The following NTRK3 variants were observed in gnomAD, a reference collection of about 807,000 sequenced individuals.
NTRK3 encodes the protein NT-3 growth factor receptor.
Under a neutral mutation model 91.7 loss-of-function variants are expected in NTRK3, and 24 were observed. That is an observed-to-expected ratio of 0.26 (90% CI 0.19 to 0.37). The LOEUF (loss-of-function observed/expected upper bound fraction) is 0.37. NTRK3 is among the 10% of genes least tolerant of loss of function. The pLI is 1.00. For synonymous variants in NTRK3, 483 were observed against 404.0 expected, an observed-to-expected ratio of 1.20 and a Z score of -2.34; for missense variants, 880 against 1,068.9, an observed-to-expected ratio of 0.82 and a Z score of 2.46.
chr15:87,884,413 T>C (rs1253296633), intron 17 of NTRK3, among the ~76,000 whole-genome samples: 1 of 151,774 alleles, frequency 6.6e-6, no homozygotes, highest in African/African-American at 2.4e-5. Context: ...CTGTCTTATT[T>C]ATACTTTTTC....
chr15:88,077,411 T>TCCCAGCCCTGCCTC (rs2047646456), intron 13 of NTRK3, among the ~76,000 whole-genome samples: 1 of 152,096 alleles, frequency 6.6e-6, no homozygotes, highest in Non-Finnish European at 1.5e-5. Context: ...CAGTCTGCCT[T>TCCCAGCCCTGCCTC]CCCAGCCCTG....
chr15:88,231,605 G>A (rs992683535), intron 3 of NTRK3, among the ~76,000 whole-genome samples: 1 of 152,240 alleles, frequency 6.6e-6, no homozygotes, highest in Middle Eastern at 3.4e-3. Flanking sequence ...TTTCTGCCTC[G>A]ATTTCACTCA....
intron 13 of NTRK3, among the ~76,000 whole-genome samples, chr15:88,036,604 C>CGCAGGGCT (rs1472701741): frequency 6.6e-6 from 1 of 152,116 alleles, no homozygotes; most frequent in Non-Finnish European, 1.5e-5. Flanking sequence ...AGTCTCAAGC[C>CGCAGGGCT]GCAGGGCTGC....
intron 3 of NTRK3, among the ~76,000 whole-genome samples, chr15:88,249,779 T>C (rs1482716496): frequency 1.3e-5 from 2 of 152,150 alleles, no homozygotes; most frequent in Non-Finnish European, 2.9e-5. Flanking sequence ...GGAGGATTTG[T>C]GTTCCTCAAA....
chr15:88,122,877 T>C (rs953210470), intron 13 of NTRK3, among the ~76,000 whole-genome samples: 1 of 152,222 alleles, frequency 6.6e-6, no homozygotes, highest in East Asian at 1.9e-4. Flanking sequence ...CATTTCTAAA[T>C]TCAACAAGCA....
At chr15:88,226,546 G>C (rs570634780) in intron 3 of NTRK3, among the ~76,000 whole-genome samples, 1 of 152,290 alleles carries the variant, frequency 6.6e-6, no homozygotes, top group African/African-American at 2.4e-5. Context: ...AATTATTCCA[G>C]AGGCCAGGGA....
exon 19 of NTRK3, chr15:87,876,404 CA>C (rs1163609855): frequency 8.7e-6 from 2 of 228,934 alleles, no homozygotes; most frequent in African/African-American, 4.4e-5. Context: ...GCAGTCCCCA[CA>C]TGTGCCTGTG....
chr15:87,980,609 A>C (rs2074169980), intron 14 of NTRK3, among the ~76,000 whole-genome samples: 1 of 152,202 alleles, frequency 6.6e-6, no homozygotes, highest in African/African-American at 2.4e-5. Flanking sequence ...AGCTATGCTC[A>C]GGAATGTAGA....
intron 3 of NTRK3, among the ~76,000 whole-genome samples, chr15:88,204,759 C>T (rs960536384): frequency 2.0e-5 from 3 of 152,206 alleles, no homozygotes; most frequent in Non-Finnish European, 4.4e-5. Context: ...TGAAGGGAAG[C>T]GAGGCTGCAG....
At chr15:87,963,146 G>T (rs984630409) in intron 14 of NTRK3, among the ~76,000 whole-genome samples, 2 of 150,736 alleles carry the variant, frequency 1.3e-5, no homozygotes, top group African/African-American at 5.0e-5. Context: ...CTGGATACCT[G>T]CTTGGGGGAA....
chr15:87,969,649 T>C (rs902035444), intron 14 of NTRK3, among the ~76,000 whole-genome samples: 1 of 152,190 alleles, frequency 6.6e-6, no homozygotes, highest in Non-Finnish European at 1.5e-5. Flanking sequence ...TCAGAATCTT[T>C]ATGTGAAGGA....
At chr15:87,944,888 T>G (rs762567675) in intron 14 of NTRK3, among the ~76,000 whole-genome samples, 1 of 152,234 alleles carries the variant, frequency 6.6e-6, no homozygotes, top group Non-Finnish European at 1.5e-5. Context: ...ACGCGTCTAT[T>G]TGGGTCCCTG....
intron 14 of NTRK3, chr15:87,979,418 G>C: frequency 6.2e-7 from 1 of 1,613,658 alleles, no homozygotes; most frequent in South Asian, 1.1e-5. Context: ...AAGAGGCTTG[G>C]AATGTCCGGG....
intron 14 of NTRK3, 126 bp downstream of exon 14, chr15:88,032,731 C>A (rs187668195): frequency 1.1e-5 from 12 of 1,057,172 alleles, no homozygotes; most frequent in Admixed American, 1.0e-4. Context: ...CAGGGAGGGT[C>A]TCTTAGAAAG....
intron 17 of NTRK3, among the ~76,000 whole-genome samples, chr15:87,923,327 C>A (rs1596268324): frequency 1.3e-5 from 2 of 152,314 alleles, no homozygotes; most frequent in East Asian, 3.9e-4. Context: ...TCCCCACTTT[C>A]AGGCCAGGTC....
chr15:88,008,488 T>C (rs1238264429), intron 14 of NTRK3, among the ~76,000 whole-genome samples: 3 of 151,832 alleles, frequency 2.0e-5, no homozygotes, highest in African/African-American at 7.3e-5. Context: ...GACACAGTGG[T>C]CCAAGAACCC....
At chr15:88,139,937 G>C (rs1175555668) in intron 6 of NTRK3, among the ~76,000 whole-genome samples, 1 of 151,338 alleles carries the variant, frequency 6.6e-6, no homozygotes, top group African/African-American at 2.4e-5. Context: ...GGGGAGTGTG[G>C]GGGGTGGGGG....
At chr15:88,054,983 A>C (rs2045557495) in intron 13 of NTRK3, among the ~76,000 whole-genome samples, 1 of 152,290 alleles carries the variant, frequency 6.6e-6, no homozygotes, top group East Asian at 1.9e-4. Flanking sequence ...AAATTAACAG[A>C]GCTGGGATTT....
At chr15:87,979,780 C>T (rs1347056081) in intron 14 of NTRK3, among the ~76,000 whole-genome samples, 1 of 152,238 alleles carries the variant, frequency 6.6e-6, no homozygotes, top group East Asian at 1.9e-4. Flanking sequence ...CTATAAGCAT[C>T]TTTCTGAAAG....
Sources: allele counts gnomAD v4.1 joint callset (sites outside exome capture counted in the v4.1 genomes callset), GRCh38; gene constraint gnomAD v4.1.1; transcripts MANE v1.5; gene names NCBI Gene and HGNC (gene_info 2026-07-23, HGNC 2026-07-21).